Variants in ASAP2 observed in about 807,000 individuals in gnomAD.
ASAP2 encodes ArfGAP with SH3 domain, ankyrin repeat and PH domain 2.
Under a neutral mutation model 131.4 loss-of-function variants are expected in ASAP2, and 45 were observed. That is an observed-to-expected ratio of 0.34 (90% CI 0.27 to 0.44). The LOEUF is 0.44. Among genes scored for constraint, ASAP2 ranks in the 20% least tolerant of loss-of-function variants. The probability of loss-of-function intolerance (pLI) is 1.00; values close to 1 mark genes in which losing one functional copy is unlikely to be tolerated. For synonymous variants in ASAP2, 510 were observed against 503.0 expected (o/e 1.01, Z -0.19); for missense variants, 1,011 against 1,297.0 (o/e 0.78, Z 3.39).
chr2:9,316,841 GAGA>G (rs1359261737), intron 3 of ASAP2, among the ~76,000 whole-genome samples: 1 of 151,912 alleles, frequency 6.6e-6, no homozygotes, highest in African/African-American at 2.4e-5. Flanking sequence ...TTGCTTCAGG[GAGA>G]AGAATGGGGG....
At chr2:9,252,840 C>T (rs1332203286) in intron 1 of ASAP2, among the ~76,000 whole-genome samples, 1 of 149,946 alleles carries the variant, frequency 6.7e-6, no homozygotes, top group Admixed American at 6.7e-5. Context: ...GGCATGAACC[C>T]AGGAGGCGGA....
intron 1 of ASAP2, among the ~76,000 whole-genome samples, chr2:9,265,607 CAAT>C (rs1353657099): frequency 6.6e-5 from 10 of 152,130 alleles, no homozygotes; most frequent in African/African-American, 2.4e-4. Context: ...CCTAAGACAA[CAAT>C]GATTATTTTC....
chr2:9,319,369 A>G (rs1392775066), intron 4 of ASAP2, among the ~76,000 whole-genome samples: 1 of 152,256 alleles, frequency 6.6e-6, no homozygotes, highest in Non-Finnish European at 1.5e-5. Context: ...CAGGACCTCT[A>G]CAGAGGCCTC....
chr2:9,385,163 C>T (rs1675171315), intron 20 of ASAP2, 82 bp from the exon 21 acceptor site: 1 of 1,065,974 alleles, frequency 9.4e-7, no homozygotes, highest in Non-Finnish European at 1.4e-6. Flanking sequence ...GAAGGCAGGC[C>T]TCCTGCCTGC....
intron 5 of ASAP2, among the ~76,000 whole-genome samples, chr2:9,322,403 C>A (rs1426485414): frequency 1.3e-5 from 2 of 152,164 alleles, no homozygotes; most frequent in Non-Finnish European, 2.9e-5. Context: ...AGCTGCTTCC[C>A]TTGTCTTCAT....
intron 21 of ASAP2, among the ~76,000 whole-genome samples, chr2:9,386,434 A>C (rs1411865827): frequency 6.6e-6 from 1 of 152,090 alleles, no homozygotes; most frequent in Non-Finnish European, 1.5e-5. Context: ...CTCTTCATCA[A>C]GCGGTCAGAT....
chr2:9,238,352 G>GA (rs1284518876), intron 1 of ASAP2, among the ~76,000 whole-genome samples: 1 of 152,180 alleles, frequency 6.6e-6, no homozygotes, highest in Non-Finnish European at 1.5e-5. Flanking sequence ...GGACTTAGGG[G>GA]AACCGCTTGA....
At position 9,389,722 on chromosome 2, in the gene ASAP2, C is replaced by T. The variant is rs938446633; in HGVS notation, c.2383+1176C>T. ...AACCTGCTGAGAGCAGACCTTCCCC[C>T]AGGCAGGCCCAGAAGCCAGCTGCTT... is the stretch of plus-strand genomic sequence containing the variant. On this transcript the variant is annotated intron_variant, in intron 22 of 27. Coordinates refer to ENST00000281419, the MANE Select transcript of ASAP2 (RefSeq NM_003887.3). The surrounding 1 kb of genome is among the most constrained non-coding windows in gnomAD (Gnocchi z 4.7). 6.6e-6 allele frequency among the ~76,000 whole-genome samples: 1 copy of T among 152,232 alleles called. No homozygotes were observed. Among genetic ancestry groups the T allele is most frequent in the African/African-American group, 2.4e-5 (1 of 41,460 alleles).
In ASAP2 at chr2:9,248,087, G is replaced by T. The variant is rs112067433; in HGVS notation, c.127-31230G>T. On this transcript the variant is annotated intron_variant, in intron 1 of 27. Transcript: ENST00000281419. ...TGGGACAGACGCTAGGTGGAGAAGG[G>T]GTGGCTGATGGAAGGGGGGCGGCTG... 8.0e-3 allele frequency among the ~76,000 whole-genome samples: 1,215 copies of T among 152,312 alleles called. 15 individuals are homozygous for T. The highest frequency in any genetic ancestry group is 0.027 in the African/African-American group (1,136 of 41,568).
intron 11 of ASAP2, among the ~76,000 whole-genome samples, chr2:9,349,410 G>A (rs1372373055): frequency 6.6e-6 from 1 of 152,194 alleles, no homozygotes; most frequent in Non-Finnish European, 1.5e-5. Context: ...TACATGTTTT[G>A]TAACCATGTT....
Position 9,380,811 on chromosome 2 carries a change from G to A in ASAP2, c.2016+3G>A. 6.2e-7 allele frequency: 1 copy of A among 1,613,918 alleles called. No homozygotes were observed. The highest frequency in any genetic ancestry group is 1.3e-5 in the African/African-American group (1 of 75,054). On this transcript the variant is annotated splice_donor_region_variant and intron_variant, in intron 20 of 27. Coordinates refer to ENST00000281419, the MANE Select transcript of ASAP2 (RefSeq NM_003887.3). ...AGCACGAGCACTGTGAGGAGCTGGT[G>A]AGTCTCCCACCACAAGGACGGGGTG...
At chr2:9,256,275 A>T (rs1368583359) in intron 1 of ASAP2, among the ~76,000 whole-genome samples, 1 of 152,178 alleles carries the variant, frequency 6.6e-6, no homozygotes, top group African/African-American at 2.4e-5. Context: ...AAGATAAAAA[A>T]TTAGCATGTC....
At chr2:9,234,205 G>A (rs965299626) in intron 1 of ASAP2, among the ~76,000 whole-genome samples, 4 of 151,892 alleles carry the variant, frequency 2.6e-5, no homozygotes, top group Admixed American at 1.3e-4. Context: ...CAAAGCCTGG[G>A]CACTCTGGCT....
rs556543544 is a variant in ASAP2, at chr2:9,288,711, T to C, written c.200-8589T>C. On this transcript the variant is annotated intron_variant, in intron 2 of 27. Coordinates refer to ENST00000281419, the MANE Select transcript of ASAP2 (RefSeq NM_003887.3). ...CCATACAACAAATGTTGAATTCACCTCTTGGCTTTGAACCCCAGACACCTT... is the reference window on the plus strand; with the variant it reads ...CCATACAACAAATGTTGAATTCACCCCTTGGCTTTGAACCCCAGACACCTT... Among the ~76,000 whole-genome samples, 7 of 152,244 alleles carry C rather than the reference T, an allele frequency of 4.6e-5. No homozygotes were observed. In the East Asian group the frequency reaches 9.7e-4, roughly 21 times the overall value.
At chr2:9,303,949 C>G (rs1668659808) in intron 3 of ASAP2, among the ~76,000 whole-genome samples, 1 of 152,228 alleles carries the variant, frequency 6.6e-6, no homozygotes, top group Non-Finnish European at 1.5e-5. Flanking sequence ...CTGCTGGGTG[C>G]TATCCATGCG....
At chr2:9,346,084 C>G (rs749395095) in intron 11 of ASAP2, among the ~76,000 whole-genome samples, 9 of 152,066 alleles carry the variant, frequency 5.9e-5, no homozygotes, top group Non-Finnish European at 1.3e-4. Flanking sequence ...GTGATCACCA[C>G]CGTACTCCCC....
chr2:9,380,389 G>A (rs370036758), intron 19 of ASAP2, among the ~76,000 whole-genome samples: 1 of 152,014 alleles, frequency 6.6e-6, no homozygotes, highest in African/African-American at 2.4e-5. Flanking sequence ...GTAGAGACGG[G>A]GTTTCACCAT....
chr2:9,260,588 ATC>A (rs910876548), intron 1 of ASAP2, among the ~76,000 whole-genome samples: 2 of 151,966 alleles, frequency 1.3e-5, no homozygotes, highest in African/African-American at 4.8e-5. Context: ...TTAGAAAACA[ATC>A]TCTGCTGCAT....
intron 2 of ASAP2, among the ~76,000 whole-genome samples, chr2:9,283,658 G>A (rs1215169527): frequency 6.6e-6 from 1 of 152,204 alleles, no homozygotes; most frequent in African/African-American, 2.4e-5. Context: ...CCATAGATTG[G>A]TGGGTTAAAC....
Sources: gnomAD v4.1 joint callset for allele counts (sites outside exome capture counted in the v4.1 genomes callset) on GRCh38, gnomAD v4.1.1 for gene constraint, Gnocchi (gnomAD v3.1) non-coding constraint, MANE v1.5 for transcripts, NCBI Gene and HGNC (gene_info 2026-07-23, HGNC 2026-07-21) for gene names.